ERBB4: variants seen among roughly 807,000 people sequenced by gnomAD.
The protein encoded by ERBB4 is receptor tyrosine-protein kinase erbB-4.
A neutral mutation model predicts 158.0 loss-of-function variants in ERBB4; 42 were observed. The ratio of observed to expected loss-of-function variants is 0.27; its 90% CI spans 0.21 to 0.34. The LOEUF (loss-of-function observed/expected upper bound fraction) is 0.34, where lower values mean the gene tolerates loss of function less well. Among genes scored for constraint, ERBB4 ranks in the 10% least tolerant of loss-of-function variants. The probability of loss-of-function intolerance (pLI) is 1.00; values close to 1 mark genes in which losing one functional copy is unlikely to be tolerated. For missense variants in ERBB4, 1,333 were observed against 1,624.1 expected, an observed-to-expected ratio of 0.82 and a Z score of 3.08; for synonymous variants, 583 against 558.7, an observed-to-expected ratio of 1.04 and a Z score of -0.61.
intron 2 of ERBB4, among the ~76,000 whole-genome samples, chr2:211,951,114 T>C (rs1224235963): frequency 6.6e-6 from 1 of 152,150 alleles, no homozygotes; most frequent in Non-Finnish European, 1.5e-5. Flanking sequence ...GCCTACAACA[T>C]ATGATAAGAT....
chr2:212,188,215 T>TCTCTCTCTCG (rs2082075575), intron 1 of ERBB4, among the ~76,000 whole-genome samples: 1 of 32,288 alleles, frequency 3.1e-5, no homozygotes, highest in Admixed American at 4.0e-4. Context: ...TCTCTCTCTC[T>TCTCTCTCTCG]CTCTCTCTCT....
At position 211,749,671 on chromosome 2, in the gene ERBB4, C is replaced by A. The variant is rs570398977; in HGVS notation, c.622+968G>T. ...TTTGGTGGTTCACAATAAAATAATCCTTTTATATCTCTTTATTAAAACAGA... is the reference window on the plus strand; with the variant it reads ...TTTGGTGGTTCACAATAAAATAATCATTTTATATCTCTTTATTAAAACAGA... On this transcript the variant is annotated intron_variant, in intron 5 of 27. Transcript: ENST00000342788. 9.2e-5 allele frequency among the ~76,000 whole-genome samples: 14 copies of A among 151,760 alleles called. No individual in the cohort carries two copies. In the South Asian group the frequency reaches 2.9e-3, roughly 32 times the overall value.
At chr2:212,058,947 C>T (rs1361306218) in intron 2 of ERBB4, among the ~76,000 whole-genome samples, 1 of 152,088 alleles carries the variant, frequency 6.6e-6, no homozygotes, top group Non-Finnish European at 1.5e-5. Context: ...CCAGGGCAAT[C>T]AGGAAGGAGA....
intron 2 of ERBB4, among the ~76,000 whole-genome samples, chr2:212,008,981 C>T (rs942968724): frequency 1.3e-5 from 2 of 151,016 alleles, no homozygotes; most frequent in Non-Finnish European, 3.0e-5. Flanking sequence ...GACCATGGCC[C>T]TTTTTAAAGA....
chr2:212,247,766 C>A (rs997215118), intron 1 of ERBB4, among the ~76,000 whole-genome samples: 3 of 152,136 alleles, frequency 2.0e-5, no homozygotes, highest in African/African-American at 7.2e-5. Context: ...GAGTTTGAGA[C>A]CTGCCTGGGC....
At position 212,017,752 on chromosome 2, in the gene ERBB4, C is replaced by A. The variant is rs140696006; in HGVS notation, c.235-70136G>T. Among the ~76,000 whole-genome samples the A allele has an allele frequency of 1.2e-3, 183 of 152,174 alleles. No homozygotes were observed. In the East Asian group the frequency reaches 0.032, roughly 27 times the overall value. ...TTGATGGTGCCTCCACTCTGGCCTA[C>A]AGTGGATATATCTTAAAAGAGCTTG... On this transcript the variant is annotated intron_variant, in intron 2 of 27. Transcript: ENST00000342788.
At chr2:211,608,389 A>G (rs1162724147) in intron 19 of ERBB4, among the ~76,000 whole-genome samples, 1 of 152,176 alleles carries the variant, frequency 6.6e-6, no homozygotes, top group Admixed American at 6.6e-5. Flanking sequence ...ATGAGAAGCC[A>G]GTTGACTTTA....
At chr2:212,109,154 C>A (rs2079323658) in intron 2 of ERBB4, among the ~76,000 whole-genome samples, 1 of 152,126 alleles carries the variant, frequency 6.6e-6, no homozygotes, top group Non-Finnish European at 1.5e-5. Context: ...CTACAACATG[C>A]CAGCATCTTT....
chr2:211,624,411 A>G (rs532588370), intron 17 of ERBB4, among the ~76,000 whole-genome samples: 2 of 152,106 alleles, frequency 1.3e-5, no homozygotes, highest in South Asian at 2.1e-4. Flanking sequence ...AGGAGAGGGG[A>G]AAAAAACGCA....
In ERBB4 at chr2:211,813,878, T is replaced by C. The variant is rs142690329; in HGVS notation, c.422-25719A>G. 9.4e-3 allele frequency among the ~76,000 whole-genome samples: 1,430 copies of C among 152,260 alleles called. 26 individuals carry two copies. Among genetic ancestry groups the C allele is most frequent in the African/African-American group, 0.033 (1,352 of 41,556 alleles). ...CAAGAACCTTAAATTAGTAATTCTCTTTTAATTAGAGCATTGGACAAAAAA... is the reference window on the plus strand; with the variant it reads ...CAAGAACCTTAAATTAGTAATTCTCCTTTAATTAGAGCATTGGACAAAAAA... On this transcript the variant is annotated intron_variant, in intron 3 of 27. Transcript: ENST00000342788.
chr2:212,127,902 T>C (rs1006446955), intron 1 of ERBB4, among the ~76,000 whole-genome samples: 1 of 152,180 alleles, frequency 6.6e-6, no homozygotes, highest in Non-Finnish European at 1.5e-5. Context: ...AGAGGGAGAA[T>C]GAGCCTGCTG....
rs1193384058 is a variant in ERBB4 at position 212,516,069 on chromosome 2, T to G, written c.82+22380A>C. 1.3e-5 allele frequency among the ~76,000 whole-genome samples: 2 copies of G among 151,932 alleles called. 1 individual carries two copies. Among genetic ancestry groups the G allele is most frequent in the Non-Finnish European group, 2.9e-5 (2 of 67,854 alleles). Reference sequence around the variant, plus strand: ...ATTAAAATTTGGGGTATAAAATAAGTACAAAACCTGGTTATTAAACATAAT... The same window carrying G: ...ATTAAAATTTGGGGTATAAAATAAGGACAAAACCTGGTTATTAAACATAAT... On this transcript the variant is annotated intron_variant, in intron 1 of 27. Transcript: ENST00000342788.
rs17414974 is a variant in ERBB4, at chr2:211,981,704, C to A, written c.235-34088G>T. Among the ~76,000 whole-genome samples, 392 of 152,270 alleles carry A rather than the reference C, an allele frequency of 2.6e-3. 3 individuals are homozygous for A. Among genetic ancestry groups the A allele is most frequent in the Non-Finnish European group, 3.6e-3 (242 of 68,016 alleles). Reference sequence around the variant, plus strand: ...TTCCCTGTGGACACTTTTGTACATACCAAAGCAGAACTAATCATTTTATCT... The same window carrying A: ...TTCCCTGTGGACACTTTTGTACATAACAAAGCAGAACTAATCATTTTATCT... On this transcript the variant is annotated intron_variant, in intron 2 of 27. Transcript: ENST00000342788.
At chr2:211,931,162 T>C (rs1241997890) in intron 3 of ERBB4, among the ~76,000 whole-genome samples, 1 of 152,176 alleles carries the variant, frequency 6.6e-6, no homozygotes, top group African/African-American at 2.4e-5. Context: ...CCAGTTCACT[T>C]TCCTTTTTTC....
intron 1 of ERBB4, among the ~76,000 whole-genome samples, chr2:212,127,842 C>A (rs2079990150): frequency 6.6e-6 from 1 of 152,032 alleles, no homozygotes; most frequent in South Asian, 2.1e-4. Context: ...AGATTGATGG[C>A]CACCACCAGA....
At chr2:211,592,865 G>A (rs149582856) in intron 19 of ERBB4, among the ~76,000 whole-genome samples, 2 of 152,030 alleles carry the variant, frequency 1.3e-5, no homozygotes, top group South Asian at 2.1e-4. Flanking sequence ...CAAAAAATTA[G>A]CTGGGCGTGG....
chr2:212,030,072 G>A (rs1575538684), intron 2 of ERBB4, among the ~76,000 whole-genome samples: 2 of 152,222 alleles, frequency 1.3e-5, no homozygotes, highest in East Asian at 3.9e-4. Flanking sequence ...CCTGACTACA[G>A]GTGGTATCAC....
At chr2:212,194,786 A>G (rs1051688768) in intron 1 of ERBB4, among the ~76,000 whole-genome samples, 1 of 152,038 alleles carries the variant, frequency 6.6e-6, no homozygotes, top group African/African-American at 2.4e-5. Flanking sequence ...TGCAAAATGT[A>G]AAAGAGAAGT....
intron 1 of ERBB4, among the ~76,000 whole-genome samples, chr2:212,233,716 T>C (rs2083746300): frequency 6.6e-6 from 1 of 152,098 alleles, no homozygotes. Flanking sequence ...CTATAATATG[T>C]TGGTTTTATA....
Sources: gnomAD v4.1 joint callset for allele counts (sites outside exome capture counted in the v4.1 genomes callset) on GRCh38, gnomAD v4.1.1 for gene constraint, MANE v1.5 for transcripts, NCBI Gene and HGNC (gene_info 2026-07-23, HGNC 2026-07-21) for gene names.